The following DEUP1 variants were observed in gnomAD, a reference collection of about 807,000 sequenced individuals.
DEUP1 encodes deuterosome assembly protein 1, also known as coiled-coil domain containing 67.
A neutral mutation model predicts 87.4 loss-of-function variants in DEUP1; 82 were observed. The ratio of observed to expected loss-of-function variants is 0.94; its 90% CI spans 0.78 to 1.13. DEUP1 has a LOEUF of 1.13. DEUP1 is among the 50% of genes most tolerant of loss of function. DEUP1 has a pLI of 0.00. For synonymous variants in DEUP1, 214 were observed against 222.7 expected (o/e 0.96, Z 0.35); for missense variants, 663 against 681.5 (o/e 0.97, Z 0.30).
At position 93,355,515 on chromosome 11, in the gene DEUP1, A is replaced by G. The variant is rs760172818; in HGVS notation, c.174A>G (p.Gln58=). 6.2e-7 allele frequency: 1 copy of G among 1,613,758 alleles called. No homozygotes were observed. Among genetic ancestry groups the G allele is most frequent in the Admixed American group, 1.7e-5 (1 of 59,980 alleles). ...GGGATCAAGAATTGGCAAATGCACA[A>G]ACTTGTTTGGATCAGAAAGGTCAAG... ...DLRDQELANA[Q]TCLDQKGQEV... Residue 58 remains glutamine, a synonymous_variant, in exon 3 of 14, where the codon CAA becomes CAG. Transcript: ENST00000298050.
At chr11:93,348,390 T>C (rs1006218962) in intron 2 of DEUP1, among the ~76,000 whole-genome samples, 1 of 152,214 alleles carries the variant, frequency 6.6e-6, no homozygotes, top group African/African-American at 2.4e-5. Flanking sequence ...TTGGGGTTGG[T>C]TTTCTCTTGA....
At chr11:93,369,076 G>T (rs1306275375) in intron 5 of DEUP1, among the ~76,000 whole-genome samples, 1 of 152,160 alleles carries the variant, frequency 6.6e-6, no homozygotes, top group Non-Finnish European at 1.5e-5. Flanking sequence ...AGCATAGTCA[G>T]ATTCTGGTGA....
intron 8 of DEUP1, among the ~76,000 whole-genome samples, chr11:93,387,334 C>T (rs1946609726): frequency 6.6e-6 from 1 of 152,004 alleles, no homozygotes; most frequent in African/African-American, 2.4e-5. Context: ...AAGTGAAATA[C>T]CCCAGACTAC....
intron 8 of DEUP1, 28 bp downstream of exon 8, chr11:93,385,571 G>GAGA (rs1946502073): frequency 1.3e-6 from 2 of 1,549,426 alleles, no homozygotes; most frequent in East Asian, 4.5e-5. Context: ...GACAATCTGA[G>GAGA]AGAACTGTTC....
rs1368487492 is a variant in DEUP1 at position 93,408,350 on chromosome 11, G to A, written c.1446G>A (p.Trp482Ter). The A allele has an allele frequency of 6.3e-7, 1 of 1,576,186 alleles. No individual in the cohort carries two copies. The highest frequency in any genetic ancestry group is 8.6e-7 in the Non-Finnish European group (1 of 1,159,910). ...TTCATGTCAATGGAAAATCAACCTG[G>A]ACTAATCAAAACACCTATGAAGAAA... ...AKLHVNGKST[W>*]TNQNTYEETG... is the part of the protein sequence containing the mutation. The change falls in exon 12 of 14, where the codon TGG becomes TGA. Residue 482 changes from tryptophan (W) to a stop codon, truncating the protein, a stop_gained. Coordinates refer to ENST00000298050, the MANE Select transcript of DEUP1 (RefSeq NM_181645.4). LOFTEE classifies it high-confidence loss of function.
intron 4 of DEUP1, among the ~76,000 whole-genome samples, chr11:93,363,508 A>G (rs1241946587): frequency 1.3e-5 from 2 of 151,888 alleles, no homozygotes; most frequent in Non-Finnish European, 3.0e-5. Context: ...AAAATGTGTA[A>G]ACAAGACACA....
intron 4 of DEUP1, among the ~76,000 whole-genome samples, chr11:93,358,976 C>A (rs1261546602): frequency 6.6e-6 from 1 of 151,930 alleles, no homozygotes; most frequent in South Asian, 2.1e-4. Flanking sequence ...TTGAGAGCCA[C>A]CTATTTTCAC....
At position 93,437,626 on chromosome 11, in the gene DEUP1, A is replaced by G. The variant is rs1180810264; in HGVS notation, c.1722A>G (p.Glu574=). The G allele has an allele frequency of 1.9e-6, 3 of 1,612,168 alleles. No individual in the cohort carries two copies. Among genetic ancestry groups the G allele is most frequent in the African/African-American group, 1.3e-5 (1 of 74,888 alleles). The change falls in exon 14 of 14, where the codon GAA becomes GAG. Residue 574 remains glutamate, a synonymous_variant. Transcript: ENST00000298050. ...LEEEKRAKEL[E]KLLNTHIDEL... ...AAGAGAAACGAGCAAAAGAACTTGAAAAACTTCTAAATACACATATTGATG... is the reference window on the plus strand; with the variant it reads ...AAGAGAAACGAGCAAAAGAACTTGAGAAACTTCTAAATACACATATTGATG...
At chr11:93,431,426 T>C (rs769740971) in intron 13 of DEUP1, among the ~76,000 whole-genome samples, 4 of 152,082 alleles carry the variant, frequency 2.6e-5, no homozygotes, top group Non-Finnish European at 5.9e-5. Flanking sequence ...AGGGAACAGA[T>C]AAGTTGTCAG....
At chr11:93,360,521 T>C (rs994775202) in intron 4 of DEUP1, among the ~76,000 whole-genome samples, 1 of 152,146 alleles carries the variant, frequency 6.6e-6, no homozygotes, top group Non-Finnish European at 1.5e-5. Context: ...GCAGCTGTTA[T>C]AAAAATACTT....
chr11:93,341,879 C>G (rs1305237215), intron 2 of DEUP1, among the ~76,000 whole-genome samples: 1 of 152,300 alleles, frequency 6.6e-6, no homozygotes, highest in South Asian at 2.1e-4. Flanking sequence ...GATTGCCCCC[C>G]TCTAGAGGCT....
chr11:93,376,113 T>A (rs1475506952), intron 7 of DEUP1, among the ~76,000 whole-genome samples: 2 of 152,108 alleles, frequency 1.3e-5, no homozygotes, highest in Admixed American at 6.5e-5. Flanking sequence ...CACACCCAGG[T>A]AATTTTTGTA....
intron 2 of DEUP1, among the ~76,000 whole-genome samples, chr11:93,354,037 C>CA (rs1944765151): frequency 1.3e-5 from 2 of 152,208 alleles, no homozygotes; most frequent in Non-Finnish European, 2.9e-5. Flanking sequence ...ACTGCATCAT[C>CA]AGGCAGCAAA....
chr11:93,351,528 G>A (rs556122640), intron 2 of DEUP1, among the ~76,000 whole-genome samples: 149 of 152,232 alleles, frequency 9.8e-4, no homozygotes, highest in African/African-American at 3.4e-3. Flanking sequence ...TCTATTTACA[G>A]TACAAGGTGA....
Position 93,394,571 on chromosome 11 carries a change from C to T in DEUP1, c.1154C>T (p.Ala385Val), listed in dbSNP as rs1303915356. 1.2e-6 allele frequency: 2 copies of T among 1,612,930 alleles called. No individual in the cohort carries two copies. Among genetic ancestry groups the T allele is most frequent in the Non-Finnish European group, 1.7e-6 (2 of 1,179,510 alleles). The change falls in exon 10 of 14, where the codon GCA becomes GTA. Residue 385 changes from alanine to valine, a missense_variant. Physicochemically the swap from Ala to Val is moderately conservative, Grantham distance 64. Coordinates refer to ENST00000298050, the MANE Select transcript of DEUP1 (RefSeq NM_181645.4). ...CTTCATCAGAAGGAGATCACTATAG[C>T]AACTGTCACAAAGAAAGCTGCCCTT... is the stretch of plus-strand genomic sequence containing the variant. ...EELHQKEITIATVTKKAALLE... is the reference protein window; with the variant it reads ...EELHQKEITIVTVTKKAALLE...
intron 13 of DEUP1, among the ~76,000 whole-genome samples, chr11:93,419,529 T>C (rs1947791800): frequency 1.3e-5 from 2 of 152,114 alleles, no homozygotes; most frequent in South Asian, 4.1e-4. Context: ...TTGAAATGGG[T>C]CAAACCACCT....
intron 8 of DEUP1, among the ~76,000 whole-genome samples, chr11:93,386,282 G>T (rs1000492578): frequency 6.6e-6 from 1 of 151,912 alleles, no homozygotes; most frequent in Non-Finnish European, 1.5e-5. Context: ...TTTAAAATCA[G>T]ACAGATATTG....
At chr11:93,389,280 T>A (rs3020056) in intron 9 of DEUP1, among the ~76,000 whole-genome samples, 155 bp downstream of exon 9, 69,610 of 151,734 alleles carry the variant, frequency 0.46, 16,671 homozygotes, top group Admixed American at 0.61. Flanking sequence ...CCGACATTTT[T>A]CTGTGTGAGA....
intron 5 of DEUP1, among the ~76,000 whole-genome samples, chr11:93,367,563 ATTTG>A (rs1457556062): frequency 4.6e-5 from 7 of 152,112 alleles, no homozygotes; most frequent in East Asian, 1.9e-4. Context: ...TTGTAAAATT[ATTTG>A]TTTGTGTGTA....
Sources: allele counts gnomAD v4.1 joint callset (sites outside exome capture counted in the v4.1 genomes callset), GRCh38; gene constraint gnomAD v4.1.1; transcripts MANE v1.5; gene names NCBI Gene and HGNC (gene_info 2026-07-23, HGNC 2026-07-21).